The following TENM3 variants were observed in gnomAD, a reference collection of about 807,000 sequenced individuals.
The protein encoded by TENM3 is teneurin transmembrane protein 3, also known as teneurin-3.
Under a neutral mutation model 255.1 loss-of-function variants are expected in TENM3, and 63 were observed. That is an observed-to-expected ratio of 0.25 (90% CI 0.20 to 0.30). The LOEUF is 0.30. TENM3 is among the 10% of genes least tolerant of loss of function. The probability of loss-of-function intolerance (pLI) is 1.00; values close to 1 mark genes in which losing one functional copy is unlikely to be tolerated. For missense variants in TENM3, 2,929 were observed against 3,461.1 expected (o/e 0.85, Z 3.86); for synonymous variants, 1,306 against 1,322.3 (o/e 0.99, Z 0.27).
In TENM3 at chr4:182,447,004, C is replaced by A. The variant is rs146767399; in HGVS notation, c.511+100075C>A. ...TTAGAAGTTTTGCAGTGCCCAACAA[C>A]ATACCTATTGTTCTATTTTTTGACC... On this transcript the variant is annotated intron_variant, in intron 3 of 27. Transcript: ENST00000511685. Among the ~76,000 whole-genome samples, 13 of 152,160 alleles carry A rather than the reference C, an allele frequency of 8.5e-5. No individual in the cohort carries two copies. The East Asian group carries it at 2.5e-3, about 29-fold the overall frequency.
At chr4:181,603,428 G>C in the TENM3 span, among the ~76,000 whole-genome samples, 1 of 152,116 alleles carries the variant, frequency 6.6e-6, no homozygotes, top group African/African-American at 2.4e-5. Context: ...GGACTGGTTT[G>C]CTTGCCCCAA....
the TENM3 span, among the ~76,000 whole-genome samples, chr4:181,546,256 T>A: frequency 6.6e-6 from 1 of 152,306 alleles, no homozygotes; most frequent in South Asian, 2.1e-4. Context: ...TTCTTTTTCC[T>A]TCTTCATGGC....
At chr4:181,850,806 A>G in the TENM3 span, among the ~76,000 whole-genome samples, 1 of 152,156 alleles carries the variant, frequency 6.6e-6, no homozygotes, top group Non-Finnish European at 1.5e-5. Flanking sequence ...TGTTCCACTG[A>G]GTGTTTTTGA....
chr4:182,047,633 C>T, the TENM3 span, among the ~76,000 whole-genome samples: 2 of 150,456 alleles, frequency 1.3e-5, no homozygotes, highest in South Asian at 4.2e-4. Context: ...TAGGCAGCAT[C>T]TATTCTAGGA....
the TENM3 span, among the ~76,000 whole-genome samples, chr4:181,726,929 C>A: frequency 1.3e-5 from 2 of 152,166 alleles, no homozygotes; most frequent in African/African-American, 4.8e-5. Context: ...CAGGGAAACA[C>A]TTACTTACAT....
chr4:182,399,153 A>T (rs1769057267), intron 3 of TENM3, among the ~76,000 whole-genome samples: 1 of 152,248 alleles, frequency 6.6e-6, no homozygotes, highest in Non-Finnish European at 1.5e-5. Context: ...GCTAAGTGGT[A>T]CCTAAAGGAA....
the TENM3 span, among the ~76,000 whole-genome samples, chr4:181,693,773 A>G: frequency 2.0e-5 from 3 of 152,050 alleles, no homozygotes; most frequent in East Asian, 5.8e-4. Context: ...GACTTGAAAG[A>G]TTTCCTTCCT....
intron 24 of TENM3, among the ~76,000 whole-genome samples, chr4:182,778,566 T>G (rs1022747099): frequency 2.0e-5 from 3 of 152,108 alleles, no homozygotes; most frequent in Admixed American, 6.6e-5. Context: ...CCTTCCTTAC[T>G]TCCCCCCATG....
At chr4:182,419,354 A>C (rs909313566) in intron 3 of TENM3, among the ~76,000 whole-genome samples, 2 of 152,166 alleles carry the variant, frequency 1.3e-5, no homozygotes, top group Non-Finnish European at 2.9e-5. Context: ...GGCAATCATT[A>C]AAAAGTCAGG....
the TENM3 span, among the ~76,000 whole-genome samples, chr4:181,760,439 G>T: frequency 6.6e-6 from 1 of 152,044 alleles, no homozygotes; most frequent in African/African-American, 2.4e-5. Context: ...TATCTAAGTT[G>T]AATTTAATAG....
intron 3 of TENM3, among the ~76,000 whole-genome samples, chr4:182,547,491 C>A (rs1741560464): frequency 6.6e-6 from 1 of 151,978 alleles, no homozygotes; most frequent in South Asian, 2.1e-4. Context: ...CCTTTGTTTT[C>A]TTTCATGTCA....
chr4:181,916,015 G>C, the TENM3 span, among the ~76,000 whole-genome samples: 1 of 152,066 alleles, frequency 6.6e-6, no homozygotes, highest in South Asian at 2.1e-4. Flanking sequence ...TTAGAATAAA[G>C]TCTAAAATCC....
chr4:181,778,042 G>T, the TENM3 span, among the ~76,000 whole-genome samples: 1 of 151,950 alleles, frequency 6.6e-6, no homozygotes, highest in Non-Finnish European at 1.5e-5. Flanking sequence ...GTCTGCACAG[G>T]ATTCATACCA....
At chr4:181,463,469 A>G in the TENM3 span, among the ~76,000 whole-genome samples, 1 of 152,142 alleles carries the variant, frequency 6.6e-6, no homozygotes, top group Non-Finnish European at 1.5e-5. Context: ...CAATTCACCT[A>G]TCTTCACTCA....
chr4:182,218,342 C>T (rs1209482943), intron 1 of TENM3, among the ~76,000 whole-genome samples: 1 of 152,212 alleles, frequency 6.6e-6, no homozygotes, highest in African/African-American at 2.4e-5. Flanking sequence ...GATATTTTAA[C>T]AGGAATTATA....
intron 3 of TENM3, among the ~76,000 whole-genome samples, chr4:182,373,141 C>G (rs1766960014): frequency 6.6e-6 from 1 of 152,212 alleles, no homozygotes; most frequent in African/African-American, 2.4e-5. Context: ...AGGGCAACAT[C>G]TCACTTTCAG....
the TENM3 span, among the ~76,000 whole-genome samples, chr4:181,630,512 G>A: frequency 3.3e-5 from 5 of 152,142 alleles, no homozygotes; most frequent in Non-Finnish European, 7.3e-5. Context: ...TGCTTTAAAT[G>A]TGTCCCAGAG....
At chr4:182,506,766 A>G (rs13142360) in intron 3 of TENM3, among the ~76,000 whole-genome samples, 41,697 of 152,058 alleles carry the variant, frequency 0.27, 6,510 homozygotes, top group South Asian at 0.38. Context: ...GAGTAGGTGA[A>G]CTTGGCGCTG....
At chr4:182,498,394 A>G (rs978742465) in intron 3 of TENM3, among the ~76,000 whole-genome samples, 4 of 152,156 alleles carry the variant, frequency 2.6e-5, no homozygotes, top group Non-Finnish European at 4.4e-5. Flanking sequence ...ACATTGTGGA[A>G]TATTTATGCT....
Sources: allele counts gnomAD v4.1 joint callset (sites outside exome capture counted in the v4.1 genomes callset), GRCh38; gene constraint gnomAD v4.1.1; transcripts MANE v1.5; gene names NCBI Gene and HGNC (gene_info 2026-07-23, HGNC 2026-07-21).